Variants in FGD6 observed in about 807,000 individuals in gnomAD.
FGD6 encodes the protein FYVE, RhoGEF and PH domain containing 6, also known as FYVE, RhoGEF and PH domain-containing protein 6.
In FGD6, 90 loss-of-function variants were observed where a neutral mutation model predicts 149.4. The observed-to-expected ratio is 0.60, with a 90% confidence interval of 0.51 to 0.72. The LOEUF is 0.72. Ranked by LOEUF, FGD6 falls within the 30% of genes least tolerant of loss-of-function variation. FGD6 has a pLI of 0.00. For synonymous variants in FGD6, 527 were observed against 584.0 expected (o/e 0.90, Z 1.41); for missense variants, 1,437 against 1,684.8 (o/e 0.85, Z 2.57).
At chr12:95,153,968 G>C (rs1371489885) in intron 3 of FGD6, among the ~76,000 whole-genome samples, 3 of 147,848 alleles carry the variant, frequency 2.0e-5, no homozygotes, top group African/African-American at 5.1e-5. Flanking sequence ...AGAAGAGACA[G>C]AGAGAGAGAG....
chr12:95,162,314 G>A (rs1241029933), intron 3 of FGD6, among the ~76,000 whole-genome samples: 1 of 152,052 alleles, frequency 6.6e-6, no homozygotes, highest in African/African-American at 2.4e-5. Flanking sequence ...CTTGAGGCCA[G>A]GAGTTCAAGA....
chr12:95,204,728 A>G (rs1308619842), intron 2 of FGD6, among the ~76,000 whole-genome samples: 5 of 152,128 alleles, frequency 3.3e-5, no homozygotes, highest in Non-Finnish European at 7.4e-5. Context: ...ACACACACAT[A>G]CACAGTCAGA....
chr12:95,145,014 A>C (rs1392367365), intron 5 of FGD6, among the ~76,000 whole-genome samples: 1 of 85,894 alleles, frequency 1.2e-5, no homozygotes, highest in Non-Finnish European at 2.3e-5. Context: ...TTTGCGACAG[A>C]GTCTCGCTCT....
intron 1 of FGD6, among the ~76,000 whole-genome samples, chr12:95,212,932 C>G (rs2056735505): frequency 6.6e-6 from 1 of 152,174 alleles, no homozygotes; most frequent in African/African-American, 2.4e-5. Flanking sequence ...TGTCCTCTCA[C>G]TCAATTTCTA....
intron 2 of FGD6, among the ~76,000 whole-genome samples, chr12:95,178,026 A>G (rs1881182331): frequency 6.6e-6 from 1 of 151,832 alleles, no homozygotes; most frequent in African/African-American, 2.4e-5. Flanking sequence ...TTGGCCTCCC[A>G]AAGTGCTGGG....
At chr12:95,189,171 A>G (rs1592869954) in intron 2 of FGD6, 1 of 152,358 alleles carries the variant, frequency 6.6e-6, no homozygotes, top group East Asian at 1.9e-4. Flanking sequence ...TTTACTTAAC[A>G]GAACCCATCC....
intron 8 of FGD6, chr12:95,117,012 A>T (rs1406914435): frequency 2.3e-6 from 1 of 438,838 alleles, no homozygotes; most frequent in Non-Finnish European, 4.6e-6. Context: ...GAGACCAGAC[A>T]GACACGCCTA....
intron 8 of FGD6, chr12:95,126,139 T>G: frequency 9.6e-7 from 1 of 1,037,748 alleles, no homozygotes; most frequent in African/African-American, 1.6e-5. Context: ...AAGAATGAAG[T>G]TAACAAGCTT....
chr12:95,097,357 C>T (rs1353057870), intron 14 of FGD6, among the ~76,000 whole-genome samples: 2 of 152,096 alleles, frequency 1.3e-5, no homozygotes, highest in Non-Finnish European at 2.9e-5. Flanking sequence ...AAAACCTGGC[C>T]GGGCGTGGTG....
In FGD6 at chr12:95,077,057, A is replaced by T. The variant is rs1877515661; in HGVS notation, c.*4463T>A. On this transcript the variant is annotated 3_prime_UTR_variant, in exon 21 of 21. Transcript: ENST00000343958. ...TCCTACTACCTTTATCTTTTAAAAA[A>T]CCCTACTCAAAACAACTATCTCTTA... is the stretch of plus-strand genomic sequence containing the variant. The T allele has an allele frequency of 1.3e-5, 2 of 152,130 alleles. No individual in the cohort carries two copies. Among genetic ancestry groups the T allele is most frequent in the African/African-American group, 2.4e-5 (1 of 41,434 alleles). The allele number at this position is 152,130 out of a possible 1,614,324, so 9.4% of individuals were successfully genotyped here.
At chr12:95,166,474 C>T (rs772279744) in intron 3 of FGD6, among the ~76,000 whole-genome samples, 5 of 151,980 alleles carry the variant, frequency 3.3e-5, no homozygotes, top group Non-Finnish European at 5.9e-5. Flanking sequence ...TTTGGGAGGC[C>T]AAGGCAGGAG....
intron 2 of FGD6, among the ~76,000 whole-genome samples, chr12:95,186,074 TA>T (rs747252914): frequency 9.2e-5 from 14 of 152,018 alleles, no homozygotes; most frequent in Non-Finnish European, 2.1e-4. Context: ...TCCCAAAATG[TA>T]GTATAATACC....
chr12:95,086,055 A>G, intron 18 of FGD6, 147 bp from the exon 19 acceptor site: 1 of 788,700 alleles, frequency 1.3e-6, no homozygotes. Flanking sequence ...TACTATACAA[A>G]TTGAACTCTG....
chr12:95,208,921 G>C lies in FGD6; in HGVS notation c.2363C>G (p.Ala788Gly). ...QNSSSMEDAD[A>G]NVYEVEEPYE... ...CGGCTCTTCTACCTCATACACATTT[G>C]CATCAGCGTCCTCCATGCTGCTGGA... is the stretch of plus-strand genomic sequence containing the variant. The change falls in exon 2 of 21, where the codon GCA becomes GGA. Residue 788 changes from alanine to glycine, a missense_variant. Coordinates refer to ENST00000343958, the MANE Select transcript of FGD6 (RefSeq NM_018351.4). The C allele has an allele frequency of 6.2e-7, 1 of 1,614,054 alleles. No individual in the cohort carries two copies. Among genetic ancestry groups the C allele is most frequent in the Non-Finnish European group, 8.5e-7 (1 of 1,180,004 alleles).
rs1592892990 is a variant in FGD6 at position 95,217,356 on chromosome 12, T to C, written c.-116A>G. On this transcript the variant is annotated 5_prime_UTR_variant, in exon 1 of 21. Coordinates refer to ENST00000343958, the MANE Select transcript of FGD6 (RefSeq NM_018351.4). Reference sequence around the variant, plus strand: ...AAGCCCCCGCAGCGCCCACATTCCGTCCCGCCGCCCCGCGGCGCAGCCTGA... The same window carrying C: ...AAGCCCCCGCAGCGCCCACATTCCGCCCCGCCGCCCCGCGGCGCAGCCTGA... The C allele has an allele frequency of 7.3e-7, 1 of 1,361,750 alleles. No individual in the cohort carries two copies. The allele number at this position is 1,361,750 out of a possible 1,614,324, so 84.4% of individuals were successfully genotyped here.
intron 12 of FGD6, 135 bp downstream of exon 12, chr12:95,107,428 G>A (rs1312993931): frequency 2.9e-6 from 2 of 679,600 alleles, no homozygotes; most frequent in Admixed American, 2.9e-5. Flanking sequence ...ATGCAATTAA[G>A]TGGTACGGCC....
intron 8 of FGD6, among the ~76,000 whole-genome samples, chr12:95,123,051 T>TC (rs1879237690): frequency 7.8e-6 from 1 of 127,994 alleles, no homozygotes; most frequent in Non-Finnish European, 1.7e-5. Flanking sequence ...TGAGACTCTG[T>TC]CAAAAAAAAA....
chr12:95,090,232 A>G (rs1878009333), intron 17 of FGD6, among the ~76,000 whole-genome samples: 1 of 152,152 alleles, frequency 6.6e-6, no homozygotes, highest in African/African-American at 2.4e-5. Context: ...CTAAGAGGTC[A>G]GCATGAGCAA....
intron 8 of FGD6, 30 bp from the exon 9 acceptor site, chr12:95,113,731 T>G: frequency 1.4e-6 from 2 of 1,453,988 alleles, no homozygotes; most frequent in Non-Finnish European, 1.9e-6. Flanking sequence ...AGTATTTAAG[T>G]ACAATAAACC....
Sources: gnomAD v4.1 joint callset for allele counts (sites outside exome capture counted in the v4.1 genomes callset) on GRCh38, gnomAD v4.1.1 for gene constraint, MANE v1.5 for transcripts, NCBI Gene and HGNC (gene_info 2026-07-23, HGNC 2026-07-21) for gene names.